COL22A1: variants seen among roughly 807,000 people sequenced by gnomAD.
COL22A1 encodes collagen alpha-1(XXII) chain.
In COL22A1, 221 loss-of-function variants were observed where a neutral mutation model predicts 248.9. The ratio of observed to expected loss-of-function variants is 0.89; its 90% CI spans 0.80 to 0.99. The LOEUF is 0.99. Ranked by LOEUF, COL22A1 falls within the 50% of genes least tolerant of loss-of-function variation. COL22A1 has a pLI of 0.00. For synonymous variants in COL22A1, 891 were observed against 793.4 expected (o/e 1.12, Z -2.07); for missense variants, 2,240 against 2,179.0 (o/e 1.03, Z -0.56).
Position 138,821,127 on chromosome 8 carries a change from G to C in COL22A1, c.1245+9C>G, listed in dbSNP as rs1362117741. On this transcript the variant is annotated intron_variant, in intron 7 of 64. Coordinates refer to ENST00000303045, the MANE Select transcript of COL22A1 (RefSeq NM_152888.3). ...GAACCTGGGCTGCAGAAGGCCCCCT[G>C]GTACTCACGTCAATGGGCACACTGT... The C allele has an allele frequency of 9.9e-6, 16 of 1,610,258 alleles. No individual in the cohort carries two copies. Among genetic ancestry groups the C allele is most frequent in the Non-Finnish European group, 1.4e-5 (16 of 1,176,672 alleles).
chr8:138,806,775 T>TA (rs1376945608), intron 10 of COL22A1, among the ~76,000 whole-genome samples: 2 of 152,078 alleles, frequency 1.3e-5, no homozygotes, highest in Admixed American at 6.5e-5. Flanking sequence ...GAGGCACAGG[T>TA]AGGCTCCCAC....
intron 47 of COL22A1, among the ~76,000 whole-genome samples, chr8:138,641,413 A>G (rs749466115): frequency 6.6e-6 from 1 of 152,180 alleles, no homozygotes; most frequent in African/African-American, 2.4e-5. Flanking sequence ...AGGGGACAGA[A>G]TAGTCATCAT....
intron 1 of COL22A1, among the ~76,000 whole-genome samples, 164 bp downstream of exon 1, chr8:138,913,455 T>G (rs1306203376): frequency 6.6e-6 from 1 of 152,162 alleles, no homozygotes; most frequent in Admixed American, 6.5e-5. Flanking sequence ...AAGAGCGAAG[T>G]GTGCTCAGGC....
intron 21 of COL22A1, among the ~76,000 whole-genome samples, chr8:138,752,153 T>C (rs9324496): frequency 0.54 from 82,363 of 152,016 alleles, 24,312 homozygotes; most frequent in South Asian, 0.7. Context: ...TGAGCAGTTA[T>C]GAATGGGTTC....
At chr8:138,735,516 A>T (rs1831040528) in intron 23 of COL22A1, among the ~76,000 whole-genome samples, 1 of 152,232 alleles carries the variant, frequency 6.6e-6, no homozygotes, top group East Asian at 1.9e-4. Context: ...AAACAAACAA[A>T]GAGTTGTAGG....
chr8:138,908,037 TC>T (rs1815156422), intron 1 of COL22A1, among the ~76,000 whole-genome samples: 1 of 151,780 alleles, frequency 6.6e-6, no homozygotes, highest in Non-Finnish European at 1.5e-5. Context: ...CTGCTCTCCC[TC>T]CCTCCCCACT....
At chr8:138,755,696 G>A (rs540478267) in intron 19 of COL22A1, 89 bp downstream of exon 19, 2 of 1,426,306 alleles carry the variant, frequency 1.4e-6, no homozygotes, top group African/African-American at 2.8e-5. Flanking sequence ...CCTTGGAAGA[G>A]CGTTGCCTTA....
intron 7 of COL22A1, 70 bp from the exon 8 acceptor site, chr8:138,813,089 C>A (rs1303750584): frequency 8.5e-7 from 1 of 1,172,512 alleles, no homozygotes; most frequent in Non-Finnish European, 1.3e-6. Flanking sequence ...CGTGGTTTCA[C>A]ACAGGCCCCG....
At chr8:138,762,588 GCACACACA>G (rs5895560) in intron 16 of COL22A1, 122 bp from the exon 17 acceptor site, 6 of 551,152 alleles carry the variant, frequency 1.1e-5, no homozygotes, top group Admixed American at 6.3e-5. Flanking sequence ...AAACGCACGT[GCACACACA>G]CACACACACA....
chr8:138,697,909 A>T (rs963724831), intron 32 of COL22A1, among the ~76,000 whole-genome samples: 3 of 152,288 alleles, frequency 2.0e-5, no homozygotes, highest in Non-Finnish European at 2.9e-5. Context: ...TTCCATAGAC[A>T]TAATTTCCTT....
At chr8:138,906,327 G>T (rs992303447) in intron 1 of COL22A1, among the ~76,000 whole-genome samples, 5 of 150,304 alleles carry the variant, frequency 3.3e-5, no homozygotes, top group African/African-American at 9.8e-5. Flanking sequence ...CGGAGGTGGT[G>T]CCACTGCACT....
chr8:138,875,486 C>G (rs940970478), intron 3 of COL22A1, among the ~76,000 whole-genome samples: 3 of 152,182 alleles, frequency 2.0e-5, no homozygotes. Flanking sequence ...ACCTTGTTTC[C>G]CAGCACTCTG....
chr8:138,773,460 T>C (rs1270692186), intron 16 of COL22A1, among the ~76,000 whole-genome samples: 1 of 152,234 alleles, frequency 6.6e-6, no homozygotes, highest in Non-Finnish European at 1.5e-5. Flanking sequence ...TCCCACACCT[T>C]GGATTCATCC....
At chr8:138,647,085 C>A (rs1476270811) in intron 46 of COL22A1, among the ~76,000 whole-genome samples, 1 of 152,172 alleles carries the variant, frequency 6.6e-6, no homozygotes, top group Non-Finnish European at 1.5e-5. Context: ...GGCCTGCTAC[C>A]ATCCCCCGCC....
intron 56 of COL22A1, among the ~76,000 whole-genome samples, chr8:138,612,686 G>A (rs1818959742): frequency 6.6e-6 from 1 of 152,092 alleles, no homozygotes; most frequent in African/African-American, 2.4e-5. Context: ...CAGCACTTTG[G>A]GAGGACAAGT....
intron 32 of COL22A1, among the ~76,000 whole-genome samples, chr8:138,696,929 C>T (rs748156981): frequency 6.6e-6 from 1 of 152,182 alleles, no homozygotes; most frequent in Non-Finnish European, 1.5e-5. Context: ...TTCTGGTCCT[C>T]CAGTCATTGG....
intron 41 of COL22A1, among the ~76,000 whole-genome samples, chr8:138,668,012 A>T (rs73721920): frequency 0.075 from 11,424 of 152,066 alleles, 462 homozygotes; most frequent in African/African-American, 0.078. Flanking sequence ...AAAAAAAAAA[A>T]TTTGAAACAT....
At chr8:138,625,683 T>C (rs1820179989) in intron 51 of COL22A1, among the ~76,000 whole-genome samples, 1 of 152,224 alleles carries the variant, frequency 6.6e-6, no homozygotes, top group African/African-American at 2.4e-5. Context: ...AATTGTCCGT[T>C]GTAGTTGCTT....
chr8:138,844,153 G>C lies in COL22A1; in HGVS notation c.664C>G (p.Leu222Val), dbSNP rs1821072681. ...KLRRRLCENV[L>V]CPSVRVEGDR... Reference sequence around the variant, plus strand: ...CCTTCTACACGAACGCTAGGACAGAGCACATCTGAGGAAAGCAAGAGGAAA... The same window carrying C: ...CCTTCTACACGAACGCTAGGACAGACCACATCTGAGGAAAGCAAGAGGAAA... Residue 222 changes from leucine (L) to valine (V), a missense_variant, in exon 4 of 65, where the codon CTC (leucine) becomes GTC (valine). Transcript: ENST00000303045. 6.2e-7 allele frequency: 1 copy of C among 1,613,984 alleles called. No homozygotes were observed.
Sources: gnomAD v4.1 joint callset for allele counts (sites outside exome capture counted in the v4.1 genomes callset) on GRCh38, gnomAD v4.1.1 for gene constraint, MANE v1.5 for transcripts, NCBI Gene and HGNC (gene_info 2026-07-23, HGNC 2026-07-21) for gene names.